The following TFAM variants were observed in gnomAD, a reference collection of about 807,000 sequenced individuals.
TFAM encodes transcription factor A, mitochondrial.
A neutral mutation model predicts 30.6 loss-of-function variants in TFAM; 13 were observed. The observed-to-expected ratio is 0.42, with a 90% confidence interval of 0.28 to 0.67. The LOEUF is 0.67. Ranked by LOEUF, TFAM falls within the 30% of genes least tolerant of loss-of-function variation. The pLI, the probability that TFAM is intolerant of heterozygous loss-of-function variation, is 0.21. For synonymous variants in TFAM, 106 were observed against 94.8 expected, an observed-to-expected ratio of 1.12 and a Z score of -0.69; for missense variants, 231 against 293.7, an observed-to-expected ratio of 0.79 and a Z score of 1.56.
At chr10:58,386,401 T>C (rs1458134673) in intron 2 of TFAM, 63 bp downstream of exon 2, 1 of 1,177,054 alleles carries the variant, frequency 8.5e-7, no homozygotes, top group Non-Finnish European at 1.3e-6. Flanking sequence ...AGCAGTTAAA[T>C]ACCAATGTTG....
rs899606853 is a variant in TFAM, at chr10:58,396,478, C to T, written c.*1404C>T. On this transcript the variant is annotated 3_prime_UTR_variant, in exon 7 of 7. Transcript: ENST00000487519. ...TACATTGCAGTATAATGAAAAAGAT[C>T]CATATACTGTGGAATGATATTCTTT... 1 of 152,086 alleles carries T rather than the reference C, an allele frequency of 6.6e-6. No individual in the cohort carries two copies. The highest frequency in any genetic ancestry group is 2.4e-5 in the African/African-American group (1 of 41,418). The allele number at this position is 152,086 out of a possible 1,614,324, so 9.4% of individuals were successfully genotyped here. A position where few individuals can be genotyped will look rare whatever the true frequency, so the allele number is the denominator to read the frequency against.
intron 2 of TFAM, chr10:58,386,792 A>T (rs1301026661): frequency 1.3e-6 from 1 of 778,142 alleles, no homozygotes; most frequent in Non-Finnish European, 1.6e-6. Flanking sequence ...GAAAGGATAA[A>T]CCTTTTCATC....
Position 58,395,829 on chromosome 10 carries a change from A to G in TFAM, c.*755A>G, listed in dbSNP as rs1382213364. ...AAGGAATTTTATTTTTTTCTGAATT[A>G]TTTTCTCTCGTGAGTATATTGATCC... On this transcript the variant is annotated 3_prime_UTR_variant, in exon 7 of 7. Transcript: ENST00000487519. 1 of 253,580 alleles carries G rather than the reference A, an allele frequency of 3.9e-6. No individual in the cohort carries two copies. Among genetic ancestry groups the G allele is most frequent in the Non-Finnish European group, 7.3e-6 (1 of 136,218 alleles). The allele number at this position is 253,580 out of a possible 1,614,324, so 15.7% of individuals were successfully genotyped here.
At chr10:58,390,313 A>G (rs1210806098) in intron 4 of TFAM, among the ~76,000 whole-genome samples, 3 of 152,144 alleles carry the variant, frequency 2.0e-5, no homozygotes, top group Non-Finnish European at 2.9e-5. Flanking sequence ...TAACACAACT[A>G]TGGAGCTTTA....
intron 5 of TFAM, 84 bp from the exon 6 acceptor site, chr10:58,394,274 T>C: frequency 1.0e-6 from 1 of 956,748 alleles, no homozygotes; most frequent in Non-Finnish European, 1.7e-6. Flanking sequence ...TAATTCTTGG[T>C]ATCTTGAGTT....
At position 58,396,375 on chromosome 10, in the gene TFAM, G is replaced by A. The variant is rs1429793252; in HGVS notation, c.*1301G>A. On this transcript the variant is annotated 3_prime_UTR_variant, in exon 7 of 7. Transcript: ENST00000487519. ...TTTAGAATCATTGTCACCTTTAAGA[G>A]GAAAAAGGTCATCACTAGATAATCT... 6.6e-6 allele frequency: 1 copy of A among 152,036 alleles called. No individual in the cohort carries two copies. The highest frequency in any genetic ancestry group is 1.5e-5 in the Non-Finnish European group (1 of 68,006). The allele number at this position is 152,036 out of a possible 1,614,324, so 9.4% of individuals were successfully genotyped here. A position where few individuals can be genotyped will look rare whatever the true frequency, so the allele number is the denominator to read the frequency against.
intron 1 of TFAM, among the ~76,000 whole-genome samples, 183 bp downstream of exon 1, chr10:58,385,831 T>A (rs910564647): frequency 1.3e-5 from 2 of 152,154 alleles, no homozygotes; most frequent in Admixed American, 1.3e-4. Flanking sequence ...TTTACTCTCT[T>A]AATACGCCGT....
At position 58,390,817 on chromosome 10, in the gene TFAM, A is replaced by T; in HGVS notation, c.494A>T (p.Tyr165Phe). The T allele has an allele frequency of 6.2e-7, 1 of 1,613,328 alleles. No individual in the cohort carries two copies. Among genetic ancestry groups the T allele is most frequent in the East Asian group, 2.2e-5 (1 of 44,802 alleles). The change falls in exon 5 of 7, where the codon TAT becomes TTT. Residue 165 changes from tyrosine to phenylalanine, a missense_variant. Transcript: ENST00000487519. ...AGACCTCGTTCAGCTTATAACGTTT[A>T]TGTAGCTGAAAGATTCCAAGAAGCT... ...PKRPRSAYNV[Y>F]VAERFQEAKG...
At position 58,394,328 on chromosome 10, in the gene TFAM, A is replaced by T. The variant is rs570630887; in HGVS notation, c.538-30A>T. On this transcript the variant is annotated intron_variant, in intron 5 of 6. Transcript: ENST00000487519. ...AAAGGTCACTGAAGTCCCCATATCT[A>T]CCTTAACTTAAACATATATTGTTTT... is the stretch of plus-strand genomic sequence containing the variant. 9.6e-6 allele frequency: 15 copies of T among 1,556,922 alleles called. No homozygotes were observed. The South Asian group carries it at 1.3e-4, about 14-fold the overall frequency.
chr10:58,389,579 A>T (rs1438119372), intron 4 of TFAM, among the ~76,000 whole-genome samples: 1 of 152,196 alleles, frequency 6.6e-6, no homozygotes, highest in Non-Finnish European at 1.5e-5. Context: ...AAGCTGTCCT[A>T]GCACTAGGGT....
chr10:58,395,053 A>C lies in TFAM; in HGVS notation c.720A>C (p.Lys240Asn). Reference sequence around the variant, plus strand: ...GTCGCACAATAAAGAAACAACGAAAATATGGTGCTGAGGAGTGTTAAAAGT... The same window carrying C: ...GTCGCACAATAAAGAAACAACGAAACTATGGTGCTGAGGAGTGTTAAAAGT... ...LLRRTIKKQR[K>N]YGAEEC Residue 240 changes from lysine to asparagine, a missense_variant, in exon 7 of 7, where the codon AAA (lysine) becomes AAC (asparagine). Physicochemically the swap from Lys to Asn is moderately conservative, Grantham distance 94 (BLOSUM62 0). Transcript: ENST00000487519. The C allele has an allele frequency of 6.2e-7, 1 of 1,613,630 alleles. No individual in the cohort carries two copies. The highest frequency in any genetic ancestry group is 1.3e-5 in the African/African-American group (1 of 75,050).
At chr10:58,387,606 A>C (rs1840514465) in intron 2 of TFAM, among the ~76,000 whole-genome samples, 2 of 152,140 alleles carry the variant, frequency 1.3e-5, no homozygotes, top group Non-Finnish European at 2.9e-5. Flanking sequence ...GGAAGTAAAA[A>C]ACTTGAAGCA....
Position 58,395,443 on chromosome 10 carries a change from T to C in TFAM, c.*369T>C, listed in dbSNP as rs1422819988. 3.4e-6 allele frequency: 1 copy of C among 297,146 alleles called. No homozygotes were observed. Among genetic ancestry groups the C allele is most frequent in the Non-Finnish European group, 6.3e-6 (1 of 158,210 alleles). The allele number at this position is 297,146 out of a possible 1,614,324, so 18.4% of individuals were successfully genotyped here. On this transcript the variant is annotated 3_prime_UTR_variant, in exon 7 of 7. Transcript: ENST00000487519. ...GAGGCAGGAGTTTCGTTTTCAAAAT[T>C]GTTACAAATTGTAGAAGCCACGGTG...
chr10:58,389,335 C>T (rs181666961), intron 4 of TFAM, among the ~76,000 whole-genome samples: 14 of 152,144 alleles, frequency 9.2e-5, no homozygotes, highest in African/African-American at 3.1e-4. Context: ...AAAAACCTCA[C>T]ATGGTTCAAA....
At chr10:58,387,644 A>T (rs1223710914) in intron 2 of TFAM, among the ~76,000 whole-genome samples, 2 of 152,288 alleles carry the variant, frequency 1.3e-5, no homozygotes, top group Non-Finnish European at 2.9e-5. Context: ...TTAAACTAGT[A>T]ATCAGCCTGG....
chr10:58,388,636 G>A (rs1319694699), intron 3 of TFAM, 34 bp from the exon 4 acceptor site: 2 of 1,610,654 alleles, frequency 1.2e-6, no homozygotes, highest in African/African-American at 2.7e-5. Context: ...TGCCAGCAAT[G>A]GTTTGTTGAC....
rs1384506332 is a variant in TFAM at position 58,389,877 on chromosome 10, A to G, written c.442-888A>G. Among the ~76,000 whole-genome samples the G allele has an allele frequency of 3.3e-5, 5 of 152,236 alleles. No individual in the cohort carries two copies. The East Asian group carries it at 9.6e-4, about 29-fold the overall frequency. The stretch of plus-strand genomic sequence containing the variant: ...TCTTTTGTAATTGTTCTTGACTCCC[A>G]GTACCAACTAGTTCAGAGATCAAGT... On this transcript the variant is annotated intron_variant, in intron 4 of 6. Coordinates refer to ENST00000487519, the MANE Select transcript of TFAM (RefSeq NM_003201.3).
At chr10:58,388,349 C>A in intron 3 of TFAM, 89 bp downstream of exon 3, 1 of 1,123,032 alleles carries the variant, frequency 8.9e-7, no homozygotes, top group South Asian at 1.3e-5. Context: ...ATGGATCAGA[C>A]TTTTTAAAAA....
In TFAM at chr10:58,396,076, T is replaced by C. The variant is rs899051393; in HGVS notation, c.*1002T>C. 1 of 153,646 alleles carries C rather than the reference T, an allele frequency of 6.5e-6. No individual in the cohort carries two copies. The highest frequency in any genetic ancestry group is 2.4e-5 in the African/African-American group (1 of 41,548). 9.5% of individuals were successfully genotyped at this position (153,646 alleles called of 1,614,324 possible). A position where few individuals can be genotyped will look rare whatever the true frequency, so the allele number is the denominator to read the frequency against. Reference sequence around the variant, plus strand: ...TTTAAATGTTTTTTTTTAAAGACTTTTATGATACTTGAAAATTAACATGAA... The same window carrying C: ...TTTAAATGTTTTTTTTTAAAGACTTCTATGATACTTGAAAATTAACATGAA... On this transcript the variant is annotated 3_prime_UTR_variant, in exon 7 of 7. Transcript: ENST00000487519.
Sources: gnomAD v4.1 joint callset for allele counts (sites outside exome capture counted in the v4.1 genomes callset) on GRCh38, gnomAD v4.1.1 for gene constraint, MANE v1.5 for transcripts, NCBI Gene and HGNC (gene_info 2026-07-23, HGNC 2026-07-21) for gene names.